The following ATRNL1 variants were observed in gnomAD, a reference collection of about 807,000 sequenced individuals.
ATRNL1 encodes the protein attractin like 1.
ATRNL1 carries 95 observed loss-of-function variants against 182.7 expected under a neutral mutation model. The observed-to-expected ratio is 0.52, with a 90% CI of 0.44 to 0.62. The LOEUF (loss-of-function observed/expected upper bound fraction) is 0.62. Among genes scored for constraint, ATRNL1 ranks in the 20% least tolerant of loss-of-function variants. ATRNL1 has a pLI of 0.00. For synonymous variants in ATRNL1, 576 were observed against 568.3 expected, an observed-to-expected ratio of 1.01 and a Z score of -0.19; for missense variants, 1,471 against 1,679.5, an observed-to-expected ratio of 0.88 and a Z score of 2.17.
At chr10:115,470,441 T>C (rs1303810713) in intron 24 of ATRNL1, among the ~76,000 whole-genome samples, 2 of 150,546 alleles carry the variant, frequency 1.3e-5, no homozygotes, top group African/African-American at 2.4e-5. Context: ...ATTAAGGATG[T>C]GTAACTTTAT....
intron 28 of ATRNL1, among the ~76,000 whole-genome samples, chr10:115,917,209 G>A (rs1326922670): frequency 2.6e-5 from 4 of 151,774 alleles, no homozygotes; most frequent in African/African-American, 9.7e-5. Context: ...GGTGGCTCGC[G>A]CCTGTAATCC....
At chr10:115,480,708 A>C (rs921239898) in intron 24 of ATRNL1, among the ~76,000 whole-genome samples, 1 of 151,118 alleles carries the variant, frequency 6.6e-6, no homozygotes, top group Non-Finnish European at 1.5e-5. Flanking sequence ...CACAAGGAAG[A>C]TATATTACAT....
chr10:115,733,336 A>G (rs1272133947), intron 27 of ATRNL1, among the ~76,000 whole-genome samples: 5 of 152,186 alleles, frequency 3.3e-5, no homozygotes, highest in African/African-American at 1.2e-4. Context: ...TTCGAGTACT[A>G]TAAAGTGGAG....
chr10:115,273,201 A>G (rs1348563866), intron 13 of ATRNL1, among the ~76,000 whole-genome samples: 1 of 152,108 alleles, frequency 6.6e-6, no homozygotes, highest in Non-Finnish European at 1.5e-5. Context: ...TGCTGAGCCC[A>G]TGCATAATCT....
At chr10:115,564,091 A>G (rs1488946664) in intron 26 of ATRNL1, among the ~76,000 whole-genome samples, 1 of 151,918 alleles carries the variant, frequency 6.6e-6, no homozygotes, top group Non-Finnish European at 1.5e-5. Flanking sequence ...TTTATTTTTA[A>G]ATTATTTTGA....
intron 8 of ATRNL1, among the ~76,000 whole-genome samples, chr10:115,188,749 T>G (rs1848053983): frequency 6.6e-6 from 1 of 152,008 alleles, no homozygotes; most frequent in African/African-American, 2.4e-5. Flanking sequence ...TTTTAAAAAT[T>G]CTGTGGTGAA....
intron 24 of ATRNL1, among the ~76,000 whole-genome samples, chr10:115,499,165 T>G (rs1849692431): frequency 6.6e-6 from 1 of 152,184 alleles, no homozygotes; most frequent in Non-Finnish European, 1.5e-5. Flanking sequence ...CTTGTCATTT[T>G]AAAGGTTCCG....
intron 15 of ATRNL1, among the ~76,000 whole-genome samples, chr10:115,294,332 A>G (rs1224198405): frequency 6.6e-6 from 1 of 152,212 alleles, no homozygotes; most frequent in African/African-American, 2.4e-5. Context: ...TTAAAAAAGA[A>G]GAAAGAGTAA....
intron 25 of ATRNL1, among the ~76,000 whole-genome samples, chr10:115,535,513 A>G (rs1351812995): frequency 6.6e-6 from 1 of 150,674 alleles, no homozygotes; most frequent in Non-Finnish European, 1.5e-5. Context: ...ATTAGTCTAA[A>G]TTTTTTTCAA....
intron 11 of ATRNL1, among the ~76,000 whole-genome samples, chr10:115,266,449 A>T (rs1554910707): frequency 6.6e-6 from 1 of 151,600 alleles, no homozygotes; most frequent in African/African-American, 2.4e-5. Context: ...TTATTAAAAA[A>T]ATACTTATTT....
In ATRNL1 at chr10:115,305,087, C is replaced by T. The variant is rs377144099; in HGVS notation, c.2818+3044C>T. Among the ~76,000 whole-genome samples, 105 of 151,416 alleles carry T rather than the reference C, an allele frequency of 6.9e-4. 2 individuals carry two copies. The South Asian group carries it at 0.021, about 30-fold the overall frequency. On this transcript the variant is annotated intron_variant, in intron 17 of 28. Coordinates refer to ENST00000355044, the MANE Select transcript of ATRNL1 (RefSeq NM_207303.4). The stretch of plus-strand genomic sequence containing the variant: ...ATGTTGAAGCCTGTAAGTGTATGGC[C>T]CTTGGACAACATGGTCACCCAGTTG...
rs144834271 is a variant in ATRNL1, at chr10:115,526,116, G to A, written c.3716+6792G>A. 9.8e-4 allele frequency among the ~76,000 whole-genome samples: 149 copies of A among 152,158 alleles called. 4 individuals carry two copies. Among genetic ancestry groups the A allele is most frequent in the South Asian group, 6.2e-4 (3 of 4,814 alleles). On this transcript the variant is annotated intron_variant, in intron 25 of 28. Transcript: ENST00000355044. Reference sequence around the variant, plus strand: ...AAATGCTAGGTATTGCTAGGGAAGCGGTTGGTAAAACCAACATCCTCAGAA... The same window carrying A: ...AAATGCTAGGTATTGCTAGGGAAGCAGTTGGTAAAACCAACATCCTCAGAA...
intron 26 of ATRNL1, among the ~76,000 whole-genome samples, chr10:115,564,006 C>A (rs1853922247): frequency 6.6e-6 from 1 of 152,068 alleles, no homozygotes; most frequent in Non-Finnish European, 1.5e-5. Context: ...TACTGGAAAT[C>A]ATGCTGAACT....
intron 20 of ATRNL1, among the ~76,000 whole-genome samples, chr10:115,404,194 A>T (rs1554957669): frequency 4.6e-5 from 7 of 152,202 alleles, no homozygotes; most frequent in Non-Finnish European, 1.5e-5. Flanking sequence ...TTCTCCCATC[A>T]GTCTTTCTAT....
chr10:115,738,126 ATTTTTTTTTT>A (rs10546896), intron 27 of ATRNL1, among the ~76,000 whole-genome samples: 60 of 47,110 alleles, frequency 1.3e-3, no homozygotes, highest in South Asian at 3.8e-3. Flanking sequence ...GAAGATAATG[ATTTTTTTTTT>A]TTTTTTTTTT....
intron 19 of ATRNL1, among the ~76,000 whole-genome samples, chr10:115,368,195 C>G (rs967049247): frequency 2.6e-5 from 4 of 152,218 alleles, no homozygotes; most frequent in African/African-American, 9.6e-5. Context: ...GGCGTAGGAC[C>G]CTCTGAGCCA....
intron 19 of ATRNL1, among the ~76,000 whole-genome samples, chr10:115,346,785 C>T (rs1029068887): frequency 3.3e-5 from 5 of 152,042 alleles, no homozygotes; most frequent in East Asian, 3.9e-4. Flanking sequence ...ATATGAGGCT[C>T]GCATGAGATA....
intron 27 of ATRNL1, among the ~76,000 whole-genome samples, chr10:115,780,649 C>G (rs1484939092): frequency 6.6e-6 from 1 of 152,172 alleles, no homozygotes; most frequent in Non-Finnish European, 1.5e-5. Context: ...TGGTCAGAGT[C>G]ATGAGGCCCC....
intron 24 of ATRNL1, among the ~76,000 whole-genome samples, chr10:115,514,846 A>T (rs1471922229): frequency 2.0e-5 from 3 of 151,922 alleles, no homozygotes; most frequent in Non-Finnish European, 4.4e-5. Context: ...AAAATGTGCC[A>T]CTTGCTCTTT....
Sources: gnomAD v4.1 joint callset for allele counts (sites outside exome capture counted in the v4.1 genomes callset) on GRCh38, gnomAD v4.1.1 for gene constraint, MANE v1.5 for transcripts, NCBI Gene and HGNC (gene_info 2026-07-23, HGNC 2026-07-21) for gene names.